The following GDPD4 variants were observed in gnomAD, a reference collection of about 807,000 sequenced individuals.
GDPD4 encodes glycerophosphodiester phosphodiesterase domain containing 4.
GDPD4 carries 60 observed loss-of-function variants against 67.8 expected under a neutral mutation model. The ratio of observed to expected loss-of-function variants is 0.88; its 90% CI spans 0.72 to 1.10. The LOEUF (loss-of-function observed/expected upper bound fraction) is 1.10. GDPD4 is among the 50% of genes least tolerant of loss of function. The pLI, the probability that GDPD4 is intolerant of heterozygous loss-of-function variation, is 0.00. For synonymous variants in GDPD4, 212 were observed against 210.9 expected, an observed-to-expected ratio of 1.00 and a Z score of -0.04; for missense variants, 623 against 613.9, an observed-to-expected ratio of 1.01 and a Z score of -0.16.
chr11:77,229,054 G>A (rs1958402914), intron 15 of GDPD4, 96 bp downstream of exon 15: 2 of 602,468 alleles, frequency 3.3e-6, no homozygotes, highest in African/African-American at 1.9e-5. Flanking sequence ...TTGCCATGTG[G>A]GATTACGGGA....
intron 1 of GDPD4, among the ~76,000 whole-genome samples, chr11:77,292,016 G>A (rs560961892): frequency 6.6e-6 from 1 of 152,076 alleles, no homozygotes; most frequent in Middle Eastern, 3.4e-3. Context: ...GGCAACAAGA[G>A]TGAAAGTCTC....
At chr11:77,238,763 C>T (rs1409371168) in intron 13 of GDPD4, among the ~76,000 whole-genome samples, 1 of 152,016 alleles carries the variant, frequency 6.6e-6, no homozygotes, top group African/African-American at 2.4e-5. Flanking sequence ...CCACCAAACA[C>T]TTAAAGAAGA....
rs199788200 is a variant in GDPD4, at chr11:77,271,297, G to T, written c.304C>A (p.Gln102Lys). The T allele has an allele frequency of 1.1e-4, 183 of 1,611,698 alleles. No individual in the cohort carries two copies. The highest frequency in any genetic ancestry group is 1.7e-4 in the Middle Eastern group (1 of 6,060). Residue 102 changes from glutamine to lysine, a missense_variant and splice_region_variant, in exon 6 of 17, where the codon CAG becomes AAG. Coordinates refer to ENST00000315938, the MANE Select transcript of GDPD4 (RefSeq NM_182833.3). ...ERWLVAGLSMQIFAPYVHLVS... is the reference protein window; with the variant it reads ...ERWLVAGLSMKIFAPYVHLVS... Reference sequence around the variant, plus strand: ...TGGAGCTATAGGATGATGCTTACCTGCATTGACAGCCCAGCTACCAGCCAC... The same window carrying T: ...TGGAGCTATAGGATGATGCTTACCTTCATTGACAGCCCAGCTACCAGCCAC...
At chr11:77,277,303 T>A in intron 4 of GDPD4, among the ~76,000 whole-genome samples, 1 of 146,600 alleles carries the variant, frequency 6.8e-6, no homozygotes, top group African/African-American at 2.5e-5. Flanking sequence ...ATAATTTTCC[T>A]AAAATAGAAA....
chr11:77,254,921 T>C (rs1240296971), intron 11 of GDPD4, among the ~76,000 whole-genome samples: 2 of 152,188 alleles, frequency 1.3e-5, no homozygotes, highest in Non-Finnish European at 2.9e-5. Flanking sequence ...TTCTTCACTA[T>C]GGAAAAAACT....
Position 77,216,908 on chromosome 11 carries a change from G to C in GDPD4, c.*369C>G. ...GACATAGGATTATTTGGAGTATTCA[G>C]CCATGGGGATCTCTTAGAGGTCTCT... On this transcript the variant is annotated 3_prime_UTR_variant, in exon 17 of 17. Transcript: ENST00000315938. 2 of 696,488 alleles carry C rather than the reference G, an allele frequency of 2.9e-6. No individual in the cohort carries two copies. Among genetic ancestry groups the C allele is most frequent in the Non-Finnish European group, 5.2e-6 (2 of 381,898 alleles). 43.1% of individuals were successfully genotyped at this position (696,488 alleles called of 1,614,324 possible).
intron 5 of GDPD4, 79 bp from the exon 6 acceptor site, chr11:77,271,472 T>C (rs1565535626): frequency 8.6e-6 from 7 of 810,594 alleles, no homozygotes; most frequent in Non-Finnish European, 1.1e-5. Flanking sequence ...TATATGTGTG[T>C]CTTCACAATG....
At chr11:77,245,136 A>G (rs1958754814) in intron 12 of GDPD4, 145 bp downstream of exon 12, 4 of 645,380 alleles carry the variant, frequency 6.2e-6, no homozygotes, top group African/African-American at 5.5e-5. Context: ...GTAGCTGTAT[A>G]AGTAACAATC....
chr11:77,243,517 C>CACGG, intron 13 of GDPD4, among the ~76,000 whole-genome samples, 177 bp downstream of exon 13: 3 of 105,962 alleles, frequency 2.8e-5, no homozygotes, highest in African/African-American at 1.2e-4. Flanking sequence ...TTTGTTGGCA[C>CACGG]AGGGAGGGAG....
At chr11:77,258,894 A>G (rs747275200) in intron 10 of GDPD4, among the ~76,000 whole-genome samples, 1 of 152,172 alleles carries the variant, frequency 6.6e-6, no homozygotes, top group Non-Finnish European at 1.5e-5. Flanking sequence ...GGACCATACT[A>G]AGCAGGTGTC....
intron 16 of GDPD4, among the ~76,000 whole-genome samples, chr11:77,220,734 A>G (rs1009283930): frequency 6.6e-6 from 1 of 152,218 alleles, no homozygotes; most frequent in African/African-American, 2.4e-5. Context: ...TGAGTGAGGG[A>G]GGATTCCCTC....
intron 16 of GDPD4, among the ~76,000 whole-genome samples, chr11:77,218,841 A>T (rs1363277296): frequency 3.9e-5 from 1 of 25,878 alleles, no homozygotes; most frequent in Non-Finnish European, 1.8e-4. Flanking sequence ...ATAGTGCCGC[A>T]ATAAACAATA....
chr11:77,259,187 C>T (rs1959064847), intron 10 of GDPD4, among the ~76,000 whole-genome samples: 1 of 152,044 alleles, frequency 6.6e-6, no homozygotes, highest in Non-Finnish European at 1.5e-5. Flanking sequence ...GTCATGTTGG[C>T]CAGGCTGGTC....
chr11:77,247,773 C>T (rs1325113679), intron 11 of GDPD4, among the ~76,000 whole-genome samples: 4 of 152,024 alleles, frequency 2.6e-5, no homozygotes, highest in African/African-American at 9.7e-5. Context: ...AAGACAAGTC[C>T]GGGCATGGTG....
intron 11 of GDPD4, among the ~76,000 whole-genome samples, chr11:77,251,491 T>C (rs2135851627): frequency 6.6e-6 from 1 of 152,342 alleles, no homozygotes; most frequent in Non-Finnish European, 1.5e-5. Flanking sequence ...AGTCAAATAT[T>C]CTTGGCTGGC....
intron 11 of GDPD4, among the ~76,000 whole-genome samples, chr11:77,248,182 GAAC>G (rs1245115108): frequency 6.6e-6 from 1 of 150,474 alleles, no homozygotes; most frequent in East Asian, 1.9e-4. Context: ...AACTACATGT[GAAC>G]AACAATACAA....
chr11:77,299,628 T>G (rs771905689), intron 1 of GDPD4, among the ~76,000 whole-genome samples: 2 of 152,228 alleles, frequency 1.3e-5, no homozygotes, highest in Admixed American at 6.5e-5. Flanking sequence ...TTGGCTTTCC[T>G]TCATGTGTCA....
chr11:77,262,656 A>C (rs1959141138), intron 10 of GDPD4, among the ~76,000 whole-genome samples: 1 of 152,118 alleles, frequency 6.6e-6, no homozygotes, highest in Non-Finnish European at 1.5e-5. Context: ...GAGGAACAGA[A>C]TCAGCATGAG....
At chr11:77,254,488 G>A (rs956201418) in intron 11 of GDPD4, among the ~76,000 whole-genome samples, 2 of 152,042 alleles carry the variant, frequency 1.3e-5, no homozygotes, top group Non-Finnish European at 2.9e-5. Context: ...CTGTCTTTGT[G>A]GAAGGGATGA....
Sources: gnomAD v4.1 joint callset for allele counts (sites outside exome capture counted in the v4.1 genomes callset) on GRCh38, gnomAD v4.1.1 for gene constraint, MANE v1.5 for transcripts, NCBI Gene and HGNC (gene_info 2026-07-23, HGNC 2026-07-21) for gene names.